Variants in EFHC2 observed in about 807,000 individuals in gnomAD.
The protein encoded by EFHC2 is EF-hand domain-containing family member C2.
Under a neutral mutation model 52.7 loss-of-function variants are expected in EFHC2, and 18 were observed. The ratio of observed to expected loss-of-function variants is 0.34; its 90% confidence interval spans 0.24 to 0.51. The LOEUF (loss-of-function observed/expected upper bound fraction) is 0.51, where lower values mean the gene tolerates loss of function less well. Among genes scored for constraint, EFHC2 ranks in the 20% least tolerant of loss-of-function variants. The pLI is 0.97. For synonymous variants in EFHC2, 203 were observed against 204.1 expected (o/e 0.99, Z 0.04); for missense variants, 513 against 562.5 (o/e 0.91, Z 0.89).
chrX:44,281,825 C>A (rs1052482205), intron 2 of EFHC2, among the ~76,000 whole-genome samples: 2 of 111,132 alleles, frequency 1.8e-5, no homozygotes, highest in African/African-American at 6.5e-5. Context: ...ACAGCATAAA[C>A]AAAATTCATG....
chrX:44,222,124 A>G (rs1602160592), intron 11 of EFHC2, among the ~76,000 whole-genome samples: 1 of 111,769 alleles, frequency 8.9e-6, no homozygotes, highest in South Asian at 3.7e-4. Flanking sequence ...TACCTAGAGT[A>G]ACAAAATAAT....
At chrX:44,154,574 T>C (rs943286126) in intron 14 of EFHC2, among the ~76,000 whole-genome samples, 3 of 107,130 alleles carry the variant, frequency 2.8e-5, no homozygotes, top group African/African-American at 6.8e-5. Context: ...TGTGGTGGTG[T>C]GGGCCTGTAG....
At chrX:44,339,520 T>G (rs2038139589) in intron 1 of EFHC2, among the ~76,000 whole-genome samples, 1 of 110,823 alleles carries the variant, frequency 9.0e-6, no homozygotes, top group African/African-American at 3.3e-5. Flanking sequence ...GCACCATACT[T>G]CTTGTATTTG....
intron 1 of EFHC2, among the ~76,000 whole-genome samples, chrX:44,320,363 G>A (rs2038010621): frequency 2.7e-5 from 3 of 112,007 alleles, no homozygotes; most frequent in African/African-American, 9.7e-5. Flanking sequence ...CAGGAGCCTG[G>A]AGCAGAACAA....
At chrX:44,276,820 C>T (rs2037661386) in intron 2 of EFHC2, among the ~76,000 whole-genome samples, 1 of 112,266 alleles carries the variant, frequency 8.9e-6, no homozygotes, top group South Asian at 3.7e-4. Context: ...TTGTCCATTG[C>T]AGGCTAGACC....
At chrX:44,191,898 C>A (rs1378190859) in intron 11 of EFHC2, among the ~76,000 whole-genome samples, 6 of 111,837 alleles carry the variant, frequency 5.4e-5, no homozygotes, top group African/African-American at 1.9e-4. Context: ...ATTTCACATT[C>A]AGATAAAATA....
chrX:44,169,850 T>G (rs912142125), intron 13 of EFHC2, among the ~76,000 whole-genome samples: 5 of 111,555 alleles, frequency 4.5e-5, no homozygotes, highest in African/African-American at 1.6e-4. Flanking sequence ...TAAATCAATA[T>G]TAAGCTAAAT....
intron 2 of EFHC2, among the ~76,000 whole-genome samples, chrX:44,311,560 C>G (rs1680373311): frequency 1.8e-5 from 2 of 112,301 alleles, no homozygotes; most frequent in African/African-American, 3.2e-5. Context: ...CTGATAAACA[C>G]AGCATATCCA....
chrX:44,303,712 TAG>T (rs2037884439), intron 2 of EFHC2, among the ~76,000 whole-genome samples: 1 of 110,796 alleles, frequency 9.0e-6, no homozygotes. Context: ...GTTCAAATCA[TAG>T]AGTCACACAG....
At chrX:44,338,564 C>T (rs1278298429) in intron 1 of EFHC2, among the ~76,000 whole-genome samples, 1 of 109,776 alleles carries the variant, frequency 9.1e-6, no homozygotes, top group African/African-American at 3.3e-5. Flanking sequence ...ACACTGATTG[C>T]ACAACCACAG....
intron 11 of EFHC2, among the ~76,000 whole-genome samples, chrX:44,183,611 G>C (rs779408440): frequency 7.1e-5 from 8 of 112,064 alleles, no homozygotes; most frequent in Non-Finnish European, 1.3e-4. Context: ...CCTAACTAGA[G>C]TTTAATGCCA....
intron 11 of EFHC2, among the ~76,000 whole-genome samples, chrX:44,203,086 C>T (rs1465577819): frequency 1.8e-5 from 2 of 111,744 alleles, no homozygotes; most frequent in Non-Finnish European, 3.8e-5. Flanking sequence ...AGTGAATGTG[C>T]ACTGAAAGAA....
intron 1 of EFHC2, among the ~76,000 whole-genome samples, chrX:44,319,810 G>C (rs1013708675): frequency 8.9e-6 from 1 of 112,358 alleles, no homozygotes; most frequent in Non-Finnish European, 1.9e-5. Context: ...TGGATCGGTT[G>C]GCATGTAGAT....
At chrX:44,298,632 G>A (rs1237997351) in intron 2 of EFHC2, among the ~76,000 whole-genome samples, 13 of 110,723 alleles carry the variant, frequency 1.2e-4, no homozygotes. Context: ...GGAGGCTGAG[G>A]CAGGCAGATC....
intron 11 of EFHC2, among the ~76,000 whole-genome samples, chrX:44,208,474 C>T (rs1035329355): frequency 9.0e-5 from 10 of 111,354 alleles, no homozygotes; most frequent in African/African-American, 3.3e-4. Flanking sequence ...ATTATAGACA[C>T]TGAGGACTCC....
intron 2 of EFHC2, among the ~76,000 whole-genome samples, chrX:44,275,483 T>C (rs191515819): frequency 1.8e-5 from 2 of 110,749 alleles, no homozygotes; most frequent in South Asian, 3.9e-4. Flanking sequence ...AATGATCTAA[T>C]TGCAATGGAA....
At chrX:44,307,694 G>A (rs1172000616) in intron 2 of EFHC2, among the ~76,000 whole-genome samples, 2 of 111,452 alleles carry the variant, frequency 1.8e-5, no homozygotes, top group Admixed American at 9.6e-5. Flanking sequence ...AGCACTTTAG[G>A]AGGCTGAGGT....
chrX:44,282,686 CA>C (rs1178054181), intron 2 of EFHC2, among the ~76,000 whole-genome samples: 46 of 28,990 alleles, frequency 1.6e-3, no homozygotes, highest in Non-Finnish European at 2.2e-3. Context: ...AAAACAAAAA[CA>C]AAAAAAAAAC....
At chrX:44,210,373 C>A (rs2037086386) in intron 11 of EFHC2, among the ~76,000 whole-genome samples, 1 of 111,823 alleles carries the variant, frequency 8.9e-6, no homozygotes, top group African/African-American at 3.2e-5. Context: ...CAGTATAGAG[C>A]CAAAATAACT....
Sources: gnomAD v4.1 joint callset for allele counts (sites outside exome capture counted in the v4.1 genomes callset) on GRCh38, gnomAD v4.1.1 for gene constraint, MANE v1.5 for transcripts, NCBI Gene and HGNC (gene_info 2026-07-23, HGNC 2026-07-21) for gene names.